The following SESN1 variants were observed in gnomAD, a reference collection of about 807,000 sequenced individuals.
SESN1 encodes sestrin 1, also known as sestrin-1.
SESN1 carries 30 observed loss-of-function variants against 59.3 expected under a neutral mutation model. The ratio of observed to expected loss-of-function variants is 0.51; its 90% CI spans 0.38 to 0.69. SESN1 has a LOEUF of 0.69. Among genes scored for constraint, SESN1 ranks in the 30% least tolerant of loss-of-function variants. The pLI is 0.00. For synonymous variants in SESN1, 197 were observed against 219.9 expected (o/e 0.90, Z 0.92); for missense variants, 566 against 673.0 (o/e 0.84, Z 1.76).
intron 1 of SESN1, among the ~76,000 whole-genome samples, chr6:109,089,640 C>T (rs1781275920): frequency 6.6e-6 from 1 of 152,142 alleles, no homozygotes; most frequent in East Asian, 1.9e-4. Context: ...TAAATTGACC[C>T]CCTGCCACTC....
chr6:109,094,120 C>A lies in SESN1; in HGVS notation c.-47G>T. 2.6e-6 allele frequency: 4 copies of A among 1,532,728 alleles called. No individual in the cohort carries two copies. Among genetic ancestry groups the A allele is most frequent in the South Asian group, 1.2e-5 (1 of 82,094 alleles). 94.9% of individuals were successfully genotyped at this position (1,532,728 alleles called of 1,614,324 possible). A position where few individuals can be genotyped will look rare whatever the true frequency, so the allele number is the denominator to read the frequency against. Reference sequence around the variant, plus strand: ...GTCTTCAGTTACCTTTCAGCATGCCCCAAAAAAATTGCTTTGTATTTTTAA... The same window carrying A: ...GTCTTCAGTTACCTTTCAGCATGCCACAAAAAAATTGCTTTGTATTTTTAA... On this transcript the variant is annotated 5_prime_UTR_variant, in exon 1 of 10. Coordinates refer to ENST00000436639, the MANE Select transcript of SESN1 (RefSeq NM_014454.3).
At chr6:109,078,323 A>G (rs1781063891) in intron 1 of SESN1, among the ~76,000 whole-genome samples, 1 of 152,140 alleles carries the variant, frequency 6.6e-6, no homozygotes, top group Non-Finnish European at 1.5e-5. Flanking sequence ...TTGAAGGTGC[A>G]GTGAGCTATA....
At chr6:109,039,378 CTGTAATTTCCCTT>C (rs1238975674) in intron 1 of SESN1, among the ~76,000 whole-genome samples, 8 of 152,196 alleles carry the variant, frequency 5.3e-5, no homozygotes, top group Non-Finnish European at 7.3e-5. Context: ...TGAGAATTTT[CTGTAATTTCCCTT>C]CACTTTTACA....
rs147262204 is a variant in SESN1, at chr6:109,091,963, G to A, written c.279+1832C>T. ...TCCAGGTCCCAGCCAGTACTCTTAA[G>A]AACTCATAGCCTTCCTATGGGAGAC... is the stretch of plus-strand genomic sequence containing the variant. On this transcript the variant is annotated intron_variant, in intron 1 of 9. Coordinates refer to ENST00000436639, the MANE Select transcript of SESN1 (RefSeq NM_014454.3). Among the ~76,000 whole-genome samples, 386 of 152,286 alleles carry A rather than the reference G, an allele frequency of 2.5e-3. 2 individuals are homozygous for A. The highest frequency in any genetic ancestry group is 9.0e-3 in the African/African-American group (374 of 41,562).
Position 109,094,800 on chromosome 6 carries a change from A to C in SESN1, c.-727T>G, listed in dbSNP as rs1781469830. 2 of 152,222 alleles carry C rather than the reference A, an allele frequency of 1.3e-5. No individual in the cohort carries two copies. Among genetic ancestry groups the C allele is most frequent in the Non-Finnish European group, 2.9e-5 (2 of 68,084 alleles). The allele number at this position is 152,222 out of a possible 1,614,324, so 9.4% of individuals were successfully genotyped here. A position where few individuals can be genotyped will look rare whatever the true frequency, so the allele number is the denominator to read the frequency against. On this transcript the variant is annotated 5_prime_UTR_variant, in exon 1 of 10. Coordinates refer to ENST00000436639, the MANE Select transcript of SESN1 (RefSeq NM_014454.3). ...GCCCACCACCGCCGAGCCAGAGGGC[A>C]CAGGGCGGCCCTGGCAATCCTCGAG... is the stretch of plus-strand genomic sequence containing the variant.
chr6:109,015,853 A>G (rs1357773922), intron 1 of SESN1, among the ~76,000 whole-genome samples: 1 of 152,208 alleles, frequency 6.6e-6, no homozygotes, highest in Non-Finnish European at 1.5e-5. Context: ...TTTTTCTAAC[A>G]GTTTTTTGAG....
chr6:109,092,177 G>A (rs1180178085), intron 1 of SESN1, among the ~76,000 whole-genome samples: 6 of 152,206 alleles, frequency 3.9e-5, no homozygotes, highest in African/African-American at 9.7e-5. Flanking sequence ...ACTTATGAAA[G>A]GGAGAGGAGC....
chr6:109,026,756 G>C (rs985444161), intron 1 of SESN1, among the ~76,000 whole-genome samples: 17 of 152,126 alleles, frequency 1.1e-4, no homozygotes, highest in African/African-American at 4.1e-4. Flanking sequence ...GCCCGCCTCA[G>C]CCTCCCAAAG....
intron 1 of SESN1, among the ~76,000 whole-genome samples, chr6:109,015,880 G>C (rs2114358819): frequency 6.6e-6 from 1 of 152,276 alleles, no homozygotes; most frequent in South Asian, 2.1e-4. Flanking sequence ...GATTTCATTT[G>C]TACCTAAACA....
At chr6:109,043,871 T>C (rs951451582) in intron 1 of SESN1, among the ~76,000 whole-genome samples, 3 of 152,192 alleles carry the variant, frequency 2.0e-5, no homozygotes, top group African/African-American at 7.2e-5. Context: ...GCAAAAGACC[T>C]AGAACAGTCA....
At chr6:108,999,733 G>A (rs1271981755) in intron 4 of SESN1, among the ~76,000 whole-genome samples, 2 of 152,062 alleles carry the variant, frequency 1.3e-5, no homozygotes, top group South Asian at 2.1e-4. Context: ...AAAGGTAAAC[G>A]TAGGCTTACC....
intron 1 of SESN1, among the ~76,000 whole-genome samples, chr6:109,081,421 G>A: frequency 6.6e-6 from 1 of 152,108 alleles, no homozygotes; most frequent in East Asian, 1.9e-4. Context: ...ATGATAACTT[G>A]GGCAAGTTTT....
chr6:109,005,367 A>C (rs968492736), intron 1 of SESN1, among the ~76,000 whole-genome samples: 2 of 152,184 alleles, frequency 1.3e-5, no homozygotes, highest in African/African-American at 4.8e-5. Context: ...GGCAGGAAAA[A>C]AAACCTCACT....
rs772956928 is a variant in SESN1, at chr6:108,992,794, C to T, written c.1226G>A (p.Arg409His). 1.7e-5 allele frequency: 28 copies of T among 1,608,854 alleles called. No individual in the cohort carries two copies. The highest frequency in any genetic ancestry group is 1.3e-4 in the Admixed American group (8 of 59,982). ...SRHGMHVPTF[R>H]VQDYCWEDHG... Reference sequence around the variant, plus strand: ...TACAAGTTGCAATTTTACCTGGACACGAAATGTTGGAACATGCATCCCATG... The same window carrying T: ...TACAAGTTGCAATTTTACCTGGACATGAAATGTTGGAACATGCATCCCATG... The change falls in exon 7 of 10, where the codon CGT becomes CAT. Residue 409 changes from arginine (R) to histidine (H), a missense_variant. Physicochemically the swap from Arg to His is conservative, Grantham distance 29. Coordinates refer to ENST00000436639, the MANE Select transcript of SESN1 (RefSeq NM_014454.3).
At chr6:109,065,780 TTTTC>T (rs1205550150) in intron 1 of SESN1, among the ~76,000 whole-genome samples, 3 of 151,908 alleles carry the variant, frequency 2.0e-5, no homozygotes, top group Non-Finnish European at 4.4e-5. Flanking sequence ...AAAAAAATTA[TTTTC>T]TTTAAAATAT....
At chr6:109,008,753 T>G in intron 1 of SESN1, 1 of 984,436 alleles carries the variant, frequency 1.0e-6, no homozygotes, top group African/African-American at 1.7e-5. Context: ...TAAGTACCTC[T>G]TTCTAAAGGA....
At chr6:109,016,541 G>T (rs955077779) in intron 1 of SESN1, among the ~76,000 whole-genome samples, 2 of 152,140 alleles carry the variant, frequency 1.3e-5, no homozygotes, top group Admixed American at 1.3e-4. Context: ...GAGACTACTT[G>T]TAGGTTATTA....
chr6:109,042,891 G>C (rs929726088), intron 1 of SESN1, among the ~76,000 whole-genome samples: 2 of 151,630 alleles, frequency 1.3e-5, no homozygotes, highest in Non-Finnish European at 2.9e-5. Context: ...ACCAGACAAA[G>C]ACAATACAAA....
chr6:109,031,189 AG>A (rs1431291936), intron 1 of SESN1, among the ~76,000 whole-genome samples: 1 of 152,196 alleles, frequency 6.6e-6, no homozygotes, highest in Non-Finnish European at 1.5e-5. Flanking sequence ...TGGCTCTGGC[AG>A]GAGATGAGTG....
Sources: allele counts gnomAD v4.1 joint callset (sites outside exome capture counted in the v4.1 genomes callset), GRCh38; gene constraint gnomAD v4.1.1; transcripts MANE v1.5; gene names NCBI Gene and HGNC (gene_info 2026-07-23, HGNC 2026-07-21).